Variants in STAU2 observed in about 807,000 individuals in gnomAD.
STAU2 encodes staufen double-stranded RNA binding protein 2.
A neutral mutation model predicts 65.9 loss-of-function variants in STAU2; 20 were observed. That is an observed-to-expected ratio of 0.30 (90% CI 0.21 to 0.44). The LOEUF (loss-of-function observed/expected upper bound fraction) is 0.44, where lower values mean the gene tolerates loss of function less well. Ranked by LOEUF, STAU2 falls within the 20% of genes least tolerant of loss-of-function variation. STAU2 has a pLI of 1.00. For missense variants in STAU2, 558 were observed against 683.9 expected, an observed-to-expected ratio of 0.82 and a Z score of 2.05; for synonymous variants, 232 against 233.9, an observed-to-expected ratio of 0.99 and a Z score of 0.07.
At chr8:73,530,947 C>T (rs1326659149) in intron 13 of STAU2, among the ~76,000 whole-genome samples, 1 of 152,168 alleles carries the variant, frequency 6.6e-6, no homozygotes, top group Non-Finnish European at 1.5e-5. Context: ...ACTCAAGACA[C>T]ATGGACATGG....
At chr8:73,725,761 C>G (rs1053760491) in intron 3 of STAU2, among the ~76,000 whole-genome samples, 1 of 152,162 alleles carries the variant, frequency 6.6e-6, no homozygotes, top group African/African-American at 2.4e-5. Context: ...GGCAAAACAC[C>G]TTCTCAACAA....
chr8:73,681,268 T>G (rs1818408744), intron 5 of STAU2, among the ~76,000 whole-genome samples: 1 of 152,178 alleles, frequency 6.6e-6, no homozygotes, highest in South Asian at 2.1e-4. Flanking sequence ...AGCAGATTTC[T>G]CAGCATAAAA....
At chr8:73,533,972 T>C (rs929368034) in intron 13 of STAU2, among the ~76,000 whole-genome samples, 3 of 152,234 alleles carry the variant, frequency 2.0e-5, no homozygotes, top group African/African-American at 7.2e-5. Flanking sequence ...GTCTGTCGGA[T>C]GTTTTTAATG....
intron 13 of STAU2, among the ~76,000 whole-genome samples, chr8:73,531,325 A>T (rs1347996601): frequency 6.6e-6 from 1 of 152,198 alleles, no homozygotes; most frequent in East Asian, 1.9e-4. Context: ...ATCACAAAGG[A>T]ACATGAATGG....
At chr8:73,460,923 A>G (rs1197799085) in intron 13 of STAU2, among the ~76,000 whole-genome samples, 1 of 152,202 alleles carries the variant, frequency 6.6e-6, no homozygotes, top group Non-Finnish European at 1.5e-5. Context: ...CTTAAGACCG[A>G]GAGCCTGAAC....
intron 1 of STAU2, among the ~76,000 whole-genome samples, chr8:73,746,522 A>C (rs1482779257): frequency 4.5e-4 from 40 of 88,360 alleles, no homozygotes; most frequent in Admixed American, 6.3e-4. Context: ...GTGTCGTCCC[A>C]CCCCCTCCAC....
chr8:73,567,386 A>C (rs1586019885), intron 12 of STAU2, among the ~76,000 whole-genome samples: 1 of 152,100 alleles, frequency 6.6e-6, no homozygotes, highest in East Asian at 1.9e-4. Context: ...ATATGCCTGT[A>C]ATCCCAGCTA....
At position 73,483,126 on chromosome 8, in the gene STAU2, T is replaced by C. The variant is rs1323553025; in HGVS notation, c.1531-60424A>G. On this transcript the variant is annotated intron_variant, in intron 13 of 14. Coordinates refer to ENST00000524300, the MANE Select transcript of STAU2 (RefSeq NM_001164380.2). ...GGAGTTGCTGGACTTTTTCCTCTGG[T>C]CTCTAGTAGCATAAAAATGGAGTTA... is the stretch of plus-strand genomic sequence containing the variant. 4.6e-5 allele frequency among the ~76,000 whole-genome samples: 7 copies of C among 152,194 alleles called. No homozygotes were observed. The East Asian group carries it at 1.4e-3, about 29-fold the overall frequency.
intron 13 of STAU2, among the ~76,000 whole-genome samples, chr8:73,481,276 C>T (rs1191052764): frequency 1.3e-5 from 2 of 151,938 alleles, no homozygotes; most frequent in African/African-American, 4.8e-5. Flanking sequence ...TTTTGGAACC[C>T]TGCACAGCCA....
chr8:73,608,422 C>T (rs139267180), intron 9 of STAU2, among the ~76,000 whole-genome samples: 3,065 of 151,832 alleles, frequency 0.02, 80 homozygotes, highest in African/African-American at 0.066. Context: ...GCCTGACCAA[C>T]ATGGTGAAAG....
chr8:73,434,373 G>T (rs1009358757), intron 13 of STAU2, among the ~76,000 whole-genome samples: 4 of 151,868 alleles, frequency 2.6e-5, no homozygotes, highest in African/African-American at 9.7e-5. Flanking sequence ...CTGGCCTACA[G>T]AATTCCAAGA....
chr8:73,649,147 GA>G (rs1815623565), intron 6 of STAU2, among the ~76,000 whole-genome samples: 1 of 152,170 alleles, frequency 6.6e-6, no homozygotes. Context: ...ATCAAGCCAA[GA>G]AAGAGTAGTT....
chr8:73,719,877 T>G (rs754374291), intron 3 of STAU2, among the ~76,000 whole-genome samples: 1 of 152,192 alleles, frequency 6.6e-6, no homozygotes, highest in Non-Finnish European at 1.5e-5. Context: ...CATATAAAAT[T>G]GATATTATTT....
intron 13 of STAU2, among the ~76,000 whole-genome samples, chr8:73,425,041 G>C (rs1203756414): frequency 6.6e-6 from 1 of 152,170 alleles, no homozygotes; most frequent in African/African-American, 2.4e-5. Context: ...AGCCAGGTGG[G>C]TTTTGATGGG....
intron 13 of STAU2, among the ~76,000 whole-genome samples, chr8:73,548,173 T>C (rs538701098): frequency 6.6e-5 from 10 of 152,160 alleles, no homozygotes; most frequent in South Asian, 4.2e-4. Flanking sequence ...CATGCATTAT[T>C]TCTTTCTCCA....
intron 12 of STAU2, among the ~76,000 whole-genome samples, chr8:73,578,471 A>G (rs1376932424): frequency 6.6e-6 from 1 of 152,196 alleles, no homozygotes; most frequent in Admixed American, 6.5e-5. Context: ...TAGGTCTAAT[A>G]TACAGTCATC....
At chr8:73,543,781 G>C (rs1806711425) in intron 13 of STAU2, among the ~76,000 whole-genome samples, 1 of 152,136 alleles carries the variant, frequency 6.6e-6, no homozygotes, top group South Asian at 2.1e-4. Context: ...TCCCTTACAT[G>C]TTAGTATGCT....
intron 3 of STAU2, among the ~76,000 whole-genome samples, chr8:73,732,219 T>A (rs1342747392): frequency 6.6e-6 from 1 of 152,220 alleles, no homozygotes; most frequent in Non-Finnish European, 1.5e-5. Flanking sequence ...TCCCACAGCA[T>A]GGGCCTCCCC....
At chr8:73,667,363 G>C (rs543182362) in intron 6 of STAU2, among the ~76,000 whole-genome samples, 4 of 152,098 alleles carry the variant, frequency 2.6e-5, no homozygotes, top group African/African-American at 9.7e-5. Context: ...TCGTGGCATG[G>C]ACAATTCAGG....
Sources: allele counts gnomAD v4.1 joint callset (sites outside exome capture counted in the v4.1 genomes callset), GRCh38; gene constraint gnomAD v4.1.1; transcripts MANE v1.5; gene names NCBI Gene and HGNC (gene_info 2026-07-23, HGNC 2026-07-21).